PITPNC1: variants seen among roughly 807,000 people sequenced by gnomAD.
PITPNC1 encodes cytoplasmic phosphatidylinositol transfer protein 1.
A neutral mutation model predicts 44.7 loss-of-function variants in PITPNC1; 18 were observed. The observed-to-expected ratio is 0.40, with a 90% CI of 0.28 to 0.60. The LOEUF (loss-of-function observed/expected upper bound fraction) is 0.60. Ranked by LOEUF, PITPNC1 falls within the 20% of genes least tolerant of loss-of-function variation. PITPNC1 has a pLI of 0.39. For missense variants in PITPNC1, 290 were observed against 418.4 expected, an observed-to-expected ratio of 0.69 and a Z score of 2.68; for synonymous variants, 141 against 149.6, an observed-to-expected ratio of 0.94 and a Z score of 0.42.
intron 1 of PITPNC1, among the ~76,000 whole-genome samples, chr17:67,476,509 A>T (rs1422275736): frequency 1.7e-4 from 26 of 152,116 alleles, no homozygotes; most frequent in Admixed American, 1.7e-3. Context: ...TCTTAGGTCC[A>T]TATGTCTGCT....
chr17:67,532,007 T>A (rs2040468047), intron 1 of PITPNC1, among the ~76,000 whole-genome samples: 1 of 152,316 alleles, frequency 6.6e-6, no homozygotes, highest in East Asian at 1.9e-4. Context: ...GGAAGGCAGA[T>A]GGAACAGCTC....
At chr17:67,406,792 G>A (rs1481157821) in intron 1 of PITPNC1, among the ~76,000 whole-genome samples, 1 of 151,940 alleles carries the variant, frequency 6.6e-6, no homozygotes, top group Non-Finnish European at 1.5e-5. Flanking sequence ...TCACCACGTT[G>A]GCAAGGTTGG....
intron 1 of PITPNC1, among the ~76,000 whole-genome samples, chr17:67,438,758 C>T (rs2038971642): frequency 6.6e-6 from 1 of 152,138 alleles, no homozygotes; most frequent in African/African-American, 2.4e-5. Context: ...AAGAAGCAAC[C>T]CTGAGGTATA....
intron 1 of PITPNC1, among the ~76,000 whole-genome samples, chr17:67,489,980 A>G (rs1568011164): frequency 6.6e-6 from 1 of 152,040 alleles, no homozygotes; most frequent in Admixed American, 6.6e-5. Flanking sequence ...CAAGTGATCC[A>G]TCCCCCTCGG....
intron 1 of PITPNC1, among the ~76,000 whole-genome samples, chr17:67,416,099 C>T (rs182986664): frequency 2.1e-3 from 312 of 151,542 alleles, no homozygotes; most frequent in African/African-American, 4.5e-3. Context: ...TGGAGTCTTA[C>T]GGACCCAGGT....
intron 4 of PITPNC1, among the ~76,000 whole-genome samples, chr17:67,571,849 G>A (rs757426204): frequency 6.6e-6 from 1 of 152,200 alleles, no homozygotes; most frequent in Non-Finnish European, 1.5e-5. Context: ...CAAAAGCTGT[G>A]CTCCCTCTGA....
chr17:67,657,405 A>G (rs982910633), intron 6 of PITPNC1, among the ~76,000 whole-genome samples: 2 of 152,158 alleles, frequency 1.3e-5, no homozygotes, highest in African/African-American at 2.4e-5. Flanking sequence ...AAAAAGCCCA[A>G]TTGTTAATTG....
chr17:67,431,388 C>T (rs1435537560), intron 1 of PITPNC1, among the ~76,000 whole-genome samples: 1 of 152,192 alleles, frequency 6.6e-6, no homozygotes, highest in East Asian at 1.9e-4. Context: ...GGCTTTCCCC[C>T]TCTTTCTGCG....
chr17:67,605,977 A>G (rs911455302), intron 5 of PITPNC1, among the ~76,000 whole-genome samples: 3 of 152,204 alleles, frequency 2.0e-5, no homozygotes, highest in Non-Finnish European at 4.4e-5. Context: ...CACACAATGA[A>G]TAGCTGACAA....
intron 1 of PITPNC1, among the ~76,000 whole-genome samples, chr17:67,431,174 T>A (rs1229997586): frequency 6.6e-6 from 1 of 151,746 alleles, no homozygotes; most frequent in Non-Finnish European, 1.5e-5. Flanking sequence ...TTCTCATGCT[T>A]CAGCCTCCCG....
At chr17:67,641,562 C>T (rs2042092621) in intron 6 of PITPNC1, among the ~76,000 whole-genome samples, 1 of 151,972 alleles carries the variant, frequency 6.6e-6, no homozygotes, top group Non-Finnish European at 1.5e-5. Context: ...TTTGGGAGGC[C>T]AAGGCAGGCA....
intron 6 of PITPNC1, among the ~76,000 whole-genome samples, chr17:67,637,073 CTA>C (rs2042041758): frequency 6.6e-6 from 1 of 152,232 alleles, no homozygotes; most frequent in Non-Finnish European, 1.5e-5. Flanking sequence ...TAGCTCATCA[CTA>C]TGGCATGAGC....
chr17:67,523,320 A>G (rs1047109324), intron 1 of PITPNC1, among the ~76,000 whole-genome samples: 1 of 152,242 alleles, frequency 6.6e-6, no homozygotes, highest in Non-Finnish European at 1.5e-5. Flanking sequence ...TTGTACAAGT[A>G]TATGGCAGAT....
intron 8 of PITPNC1, among the ~76,000 whole-genome samples, chr17:67,681,077 C>A (rs538563266): frequency 6.6e-6 from 1 of 152,306 alleles, no homozygotes; most frequent in East Asian, 1.9e-4. Flanking sequence ...AAGGAAAATT[C>A]ACGCTTGCAG....
At chr17:67,438,569 G>A (rs1195084765) in intron 1 of PITPNC1, among the ~76,000 whole-genome samples, 7 of 152,168 alleles carry the variant, frequency 4.6e-5, no homozygotes, top group Non-Finnish European at 7.4e-5. Context: ...GCCTGCCTCG[G>A]CCTCCTAAAG....
chr17:67,396,532 G>A (rs999080658), intron 1 of PITPNC1, among the ~76,000 whole-genome samples: 2 of 151,906 alleles, frequency 1.3e-5, no homozygotes, highest in Non-Finnish European at 2.9e-5. Context: ...CACCACACCT[G>A]GCTAATTTTT....
intron 5 of PITPNC1, among the ~76,000 whole-genome samples, chr17:67,591,008 G>A (rs931331108): frequency 6.6e-6 from 1 of 151,966 alleles, no homozygotes; most frequent in African/African-American, 2.4e-5. Flanking sequence ...CATACCTGGT[G>A]TATACCACCT....
chr17:67,670,643 A>T (rs1425353250), intron 7 of PITPNC1, among the ~76,000 whole-genome samples: 2 of 149,122 alleles, frequency 1.3e-5, no homozygotes, highest in African/African-American at 5.0e-5. Flanking sequence ...CCAGCTACTC[A>T]GGAGGCTGAG....
At chr17:67,462,558 C>T (rs996542011) in intron 1 of PITPNC1, among the ~76,000 whole-genome samples, 1 of 151,382 alleles carries the variant, frequency 6.6e-6, no homozygotes, top group East Asian at 2.0e-4. Context: ...CTGTTGTGTG[C>T]CTAAGACATG....
Sources: allele counts gnomAD v4.1 joint callset (sites outside exome capture counted in the v4.1 genomes callset), GRCh38; gene constraint gnomAD v4.1.1; transcripts MANE v1.5; gene names NCBI Gene and HGNC (gene_info 2026-07-23, HGNC 2026-07-21).